Variants in GMEB1 observed in about 807,000 individuals in gnomAD.
GMEB1 encodes the protein glucocorticoid modulatory element-binding protein 1.
In GMEB1, 6 loss-of-function variants were observed where a neutral mutation model predicts 52.4. The observed-to-expected ratio is 0.11, with a 90% CI of 0.06 to 0.23. The LOEUF is 0.23. Ranked by LOEUF, GMEB1 falls within the 10% of genes least tolerant of loss-of-function variation. GMEB1 has a pLI of 1.00. For missense variants in GMEB1, 486 were observed against 685.6 expected, an observed-to-expected ratio of 0.71 and a Z score of 3.25; for synonymous variants, 255 against 244.9, an observed-to-expected ratio of 1.04 and a Z score of -0.38.
intron 9 of GMEB1, among the ~76,000 whole-genome samples, chr1:28,710,891 G>A (rs1671029972): frequency 6.6e-6 from 1 of 152,172 alleles, no homozygotes; most frequent in Non-Finnish European, 1.5e-5. Context: ...ATGTCTCTTA[G>A]ATTGCTCCAT....
rs1294777985 is a variant in GMEB1 at position 28,719,285 on chromosome 1, C to T, written c.*4512C>T. On this transcript the variant is annotated 3_prime_UTR_variant, in exon 10 of 10. Coordinates refer to ENST00000373816, the MANE Select transcript of GMEB1 (RefSeq NM_001319674.2). ...CCCTTTCTCAATTTCCAAGCTCCACCCACTCCTAAAAACACCAGTCATTCT... is the reference window on the plus strand; with the variant it reads ...CCCTTTCTCAATTTCCAAGCTCCACTCACTCCTAAAAACACCAGTCATTCT... 1 of 152,194 alleles carries T rather than the reference C, an allele frequency of 6.6e-6. No homozygotes were observed. The highest frequency in any genetic ancestry group is 1.5e-5 in the Non-Finnish European group (1 of 68,036). 9.4% of individuals were successfully genotyped at this position (152,194 alleles called of 1,614,324 possible). A position where few individuals can be genotyped will look rare whatever the true frequency, so the allele number is the denominator to read the frequency against.
intron 3 of GMEB1, among the ~76,000 whole-genome samples, chr1:28,691,200 A>C (rs1464816651): frequency 6.6e-6 from 1 of 151,494 alleles, no homozygotes; most frequent in African/African-American, 2.4e-5. Context: ...TGGAAGGCTG[A>C]GGCAGGAGAA....
chr1:28,687,360 ACACACAC>A (rs1669698439), intron 2 of GMEB1, among the ~76,000 whole-genome samples: 1 of 51,048 alleles, frequency 2.0e-5, no homozygotes, highest in African/African-American at 8.3e-5. Context: ...ACACACACAC[ACACACAC>A]ACACACACAC....
rs559034128 is a variant in GMEB1 at position 28,704,120 on chromosome 1, C to T, written c.731-72C>T. On this transcript the variant is annotated intron_variant, in intron 7 of 9. Transcript: ENST00000373816. ...TGAGTTAAAATAATTTTGAATTTAA[C>T]GTTGTAGAGATTTGCCTAAGTATCT... 10 of 1,282,484 alleles carry T rather than the reference C, an allele frequency of 7.8e-6. No individual in the cohort carries two copies. The African/African-American group carries it at 9.1e-5, about 12-fold the overall frequency. 79.4% of individuals were successfully genotyped at this position (1,282,484 alleles called of 1,614,324 possible). A position where few individuals can be genotyped will look rare whatever the true frequency, so the allele number is the denominator to read the frequency against.
Position 28,704,299 on chromosome 1 carries a change from C to G in GMEB1, c.838C>G (p.Arg280Gly). 6.2e-7 allele frequency: 1 copy of G among 1,612,820 alleles called. No homozygotes were observed. Among genetic ancestry groups the G allele is most frequent in the Non-Finnish European group, 8.5e-7 (1 of 1,179,388 alleles). ...GGAGCTACTCAGGGGAGTTCAGCAG[C>G]GGCTCATCCAGGCTCCCTTCCAAGT... ...IEELLRGVQQRLIQAPFQVTD... is the reference protein window; with the variant it reads ...IEELLRGVQQGLIQAPFQVTD... Residue 280 changes from arginine to glycine, a missense_variant, in exon 8 of 10, where the codon CGG (arginine) becomes GGG (glycine). By Grantham distance (125) the Arg-to-Gly change is moderately radical. Around this residue, in one of 5 missense-constraint regions of GMEB1, gnomAD observed 200 missense variants for 253.5 expected, o/e 0.79. Coordinates refer to ENST00000373816, the MANE Select transcript of GMEB1 (RefSeq NM_001319674.2).
At chr1:28,706,889 A>G (rs1030506328) in intron 8 of GMEB1, among the ~76,000 whole-genome samples, 2 of 149,838 alleles carry the variant, frequency 1.3e-5, no homozygotes, top group Non-Finnish European at 3.0e-5. Flanking sequence ...CTCGTCCTGA[A>G]TTCCTGACCT....
At chr1:28,702,633 T>C (rs888212512) in intron 7 of GMEB1, 64 bp downstream of exon 7, 1 of 1,466,316 alleles carries the variant, frequency 6.8e-7, no homozygotes, top group East Asian at 2.3e-5. Context: ...ATTATCATTA[T>C]GGACACGGAA....
At chr1:28,699,788 T>G (rs1325901466) in intron 6 of GMEB1, among the ~76,000 whole-genome samples, 2 of 151,416 alleles carry the variant, frequency 1.3e-5, no homozygotes, top group Non-Finnish European at 2.9e-5. Context: ...AAATGACCTC[T>G]TAATGGCTGG....
intron 4 of GMEB1, among the ~76,000 whole-genome samples, 164 bp from the exon 5 acceptor site, chr1:28,692,778 T>C (rs1166325946): frequency 1.3e-5 from 2 of 152,170 alleles, no homozygotes; most frequent in Non-Finnish European, 2.9e-5. Flanking sequence ...CAGAGAAGGA[T>C]CGTCTTCTCT....
At chr1:28,688,150 G>A (rs1046162220) in intron 2 of GMEB1, among the ~76,000 whole-genome samples, 2 of 152,104 alleles carry the variant, frequency 1.3e-5, no homozygotes, top group Non-Finnish European at 2.9e-5. Flanking sequence ...CAGCGTGGTG[G>A]CGCATGCCTG....
chr1:28,714,836 A>G lies in GMEB1; in HGVS notation c.*63A>G, dbSNP rs539315668. On this transcript the variant is annotated 3_prime_UTR_variant, in exon 10 of 10. Transcript: ENST00000373816. Reference sequence around the variant, plus strand: ...GAATTTTAATTATTTGTTTATTTTTATCATTGTCCCACTCATTTCCACATA... The same window carrying G: ...GAATTTTAATTATTTGTTTATTTTTGTCATTGTCCCACTCATTTCCACATA... 6.9e-6 allele frequency: 8 copies of G among 1,156,622 alleles called. No individual in the cohort carries two copies. The highest frequency in any genetic ancestry group is 1.0e-5 in the Non-Finnish European group (8 of 801,668). 71.6% of individuals were successfully genotyped at this position (1,156,622 alleles called of 1,614,324 possible). A position where few individuals can be genotyped will look rare whatever the true frequency, so the allele number is the denominator to read the frequency against.
rs577754558 is a variant in GMEB1, at chr1:28,706,460, G to A, written c.868+2131G>A. Among the ~76,000 whole-genome samples, 10 of 151,720 alleles carry A rather than the reference G, an allele frequency of 6.6e-5. No homozygotes were observed. The South Asian group carries it at 8.3e-4, about 13-fold the overall frequency. On this transcript the variant is annotated intron_variant, in intron 8 of 9. Coordinates refer to ENST00000373816, the MANE Select transcript of GMEB1 (RefSeq NM_001319674.2). ...TCTCTACAAAAATACAAAAATCCGC[G>A]AGGCATGATGGCGGGTGCCTGTAAT... is the stretch of plus-strand genomic sequence containing the variant.
intron 1 of GMEB1, among the ~76,000 whole-genome samples, chr1:28,682,505 A>G (rs532340688): frequency 1.0e-3 from 159 of 151,746 alleles, no homozygotes; most frequent in African/African-American, 3.8e-3. Flanking sequence ...CCTGTAATCC[A>G]AGCTACTTGG....
chr1:28,705,445 C>CT lies in GMEB1; in HGVS notation c.868+1135dup, dbSNP rs34597945. Among the ~76,000 whole-genome samples the CT allele has an allele frequency of 5.0e-3, 610 of 123,088 alleles. 5 individuals are homozygous for CT. The highest frequency in any genetic ancestry group is 0.013 in the African/African-American group (439 of 33,776). 80.8% of individuals were successfully genotyped at this position (123,088 alleles called of 152,430 possible). A position where few individuals can be genotyped will look rare whatever the true frequency, so the allele number is the denominator to read the frequency against. Reference sequence around the variant, plus strand: ...CTCTCTCGCGCGATATATGTATTTTCTTTTTTTTTTTTTTTTTTTCCTGAG... The same window carrying CT: ...CTCTCTCGCGCGATATATGTATTTTCTTTTTTTTTTTTTTTTTTTTCCTGAG... On this transcript the variant is annotated intron_variant, in intron 8 of 9. Transcript: ENST00000373816.
intron 2 of GMEB1, among the ~76,000 whole-genome samples, chr1:28,687,384 AC>A (rs1319417052): frequency 0.021 from 2,511 of 118,028 alleles, 609 homozygotes; most frequent in Middle Eastern, 0.065. Flanking sequence ...ACACACACAC[AC>A]ACAAAAAAAG....
At chr1:28,710,112 A>T (rs1670977416) in intron 8 of GMEB1, among the ~76,000 whole-genome samples, 1 of 151,934 alleles carries the variant, frequency 6.6e-6, no homozygotes, top group Non-Finnish European at 1.5e-5. Context: ...ATGTTACTGC[A>T]CTCCAGCCTG....
chr1:28,690,796 C>T (rs1252181837), intron 3 of GMEB1, among the ~76,000 whole-genome samples: 1 of 149,662 alleles, frequency 6.7e-6, no homozygotes, highest in Non-Finnish European at 1.5e-5. Context: ...GCCTGGCCAA[C>T]ATGGCGAAAC....
intron 6 of GMEB1, among the ~76,000 whole-genome samples, chr1:28,699,737 GT>G (rs544963908): frequency 3.4e-4 from 49 of 143,602 alleles, no homozygotes; most frequent in Middle Eastern, 3.6e-3. Flanking sequence ...GCCCTTTTTT[GT>G]TTTTTTTTTT....
In GMEB1 at chr1:28,690,101, C is replaced by A; in HGVS notation, c.129-3C>A. The A allele has an allele frequency of 6.3e-7, 1 of 1,594,420 alleles. No homozygotes were observed. The highest frequency in any genetic ancestry group is 1.7e-5 in the Admixed American group (1 of 57,816). The stretch of plus-strand genomic sequence containing the variant: ...TGTTTATCGATGGACACTTTTACAA[C>A]AGGATTTATGAAGCTGGGTCGGAGA... On this transcript the variant is annotated splice_polypyrimidine_tract_variant and splice_region_variant and intron_variant, in intron 2 of 9. Coordinates refer to ENST00000373816, the MANE Select transcript of GMEB1 (RefSeq NM_001319674.2).
Sources: gnomAD v4.1 joint callset for allele counts (sites outside exome capture counted in the v4.1 genomes callset) on GRCh38, gnomAD v4.1.1 for gene constraint, gnomAD v4.1.1 regional missense constraint, MANE v1.5 for transcripts, NCBI Gene and HGNC (gene_info 2026-07-23, HGNC 2026-07-21) for gene names.